The following TRPC5 variants were observed in gnomAD, a reference collection of about 807,000 sequenced individuals.
TRPC5 encodes the protein transient receptor potential cation channel subfamily C member 5.
In TRPC5, 9 loss-of-function variants were observed where a neutral mutation model predicts 56.5. That is an observed-to-expected ratio of 0.16 (90% CI 0.10 to 0.28). TRPC5 has a LOEUF of 0.28. Ranked by LOEUF, TRPC5 falls within the 10% of genes least tolerant of loss-of-function variation. The pLI is 1.00. For missense variants in TRPC5, 469 were observed against 748.9 expected, an observed-to-expected ratio of 0.63 and a Z score of 4.36; for synonymous variants, 282 against 278.5, an observed-to-expected ratio of 1.01 and a Z score of -0.13.
At chrX:111,923,419 C>A (rs921139203) in intron 2 of TRPC5, among the ~76,000 whole-genome samples, 8 of 111,791 alleles carry the variant, frequency 7.2e-5, no homozygotes, top group African/African-American at 2.3e-4. Context: ...AAAAAAAATT[C>A]ATGACTAATT....
rs1603118601 is a variant in TRPC5, at chrX:111,960,952, C to T, written c.-21-8511G>A. ...TCAACCTCCCGAGTAGTTGGGACTA[C>T]AGGCATGCACTACTATGCCCGGCTA... is the stretch of plus-strand genomic sequence containing the variant. On this transcript the variant is annotated intron_variant, in intron 1 of 10. Coordinates refer to ENST00000262839, the MANE Select transcript of TRPC5 (RefSeq NM_012471.3). Among the ~76,000 whole-genome samples the T allele has an allele frequency of 2.7e-5, 3 of 110,942 alleles. No homozygotes were observed. The South Asian group carries it at 1.2e-3, about 43-fold the overall frequency.
chrX:111,864,361 G>T (rs1012843615), intron 3 of TRPC5, among the ~76,000 whole-genome samples: 10 of 112,275 alleles, frequency 8.9e-5, no homozygotes, highest in African/African-American at 3.2e-4. Context: ...TGACCCAATT[G>T]TTATCTACTG....
chrX:111,805,809 A>G (rs1297453321), intron 7 of TRPC5, among the ~76,000 whole-genome samples: 1 of 110,626 alleles, frequency 9.0e-6, no homozygotes, highest in Non-Finnish European at 1.9e-5. Context: ...AGTAGCTGGG[A>G]CTACAGGCGC....
chrX:111,801,936 C>A (rs192825013), intron 7 of TRPC5, among the ~76,000 whole-genome samples: 1 of 111,911 alleles, frequency 8.9e-6, no homozygotes, highest in Admixed American at 9.5e-5. Context: ...CTTCCAGTGT[C>A]ATATCTGTGA....
chrX:111,927,344 A>G (rs1008043077), intron 2 of TRPC5, among the ~76,000 whole-genome samples: 4 of 112,224 alleles, frequency 3.6e-5, no homozygotes, highest in African/African-American at 1.3e-4. Context: ...TAGATCATAA[A>G]ACAGTCTTGG....
chrX:111,907,703 G>C (rs959930204), intron 3 of TRPC5, among the ~76,000 whole-genome samples: 5 of 110,737 alleles, frequency 4.5e-5, no homozygotes, highest in African/African-American at 6.6e-5. Context: ...TATTTGCATC[G>C]AAAGGAAAGA....
chrX:112,002,549 C>A (rs1209741802), intron 1 of TRPC5, among the ~76,000 whole-genome samples: 10 of 111,924 alleles, frequency 8.9e-5, no homozygotes, highest in Non-Finnish European at 1.9e-4. Context: ...ATTAAACATA[C>A]AAACAAACCA....
At chrX:112,073,584 G>A (rs1027805390) in intron 1 of TRPC5, among the ~76,000 whole-genome samples, 1 of 111,351 alleles carries the variant, frequency 9.0e-6, no homozygotes, top group Non-Finnish European at 1.9e-5. Context: ...GATAAAAATT[G>A]TTATATCTGT....
intron 7 of TRPC5, among the ~76,000 whole-genome samples, chrX:111,811,945 A>C (rs1487233396): frequency 1.8e-5 from 2 of 111,557 alleles, no homozygotes; most frequent in African/African-American, 6.5e-5. Flanking sequence ...CTTGAAATGA[A>C]GTAGATATTC....
intron 1 of TRPC5, among the ~76,000 whole-genome samples, chrX:111,997,945 T>C (rs1357204980): frequency 9.0e-6 from 1 of 111,407 alleles, no homozygotes; most frequent in Non-Finnish European, 1.9e-5. Context: ...ACATCCTCCT[T>C]TAGCTCAGAG....
At chrX:112,038,049 T>G (rs1373697931) in intron 1 of TRPC5, among the ~76,000 whole-genome samples, 1 of 111,341 alleles carries the variant, frequency 9.0e-6, no homozygotes, top group African/African-American at 3.3e-5. Flanking sequence ...GGCAAAACCA[T>G]GCACATGTAT....
intron 2 of TRPC5, among the ~76,000 whole-genome samples, chrX:111,919,331 C>A (rs933055097): frequency 2.7e-5 from 3 of 111,883 alleles, no homozygotes; most frequent in Admixed American, 9.4e-5. Flanking sequence ...AGCTGGCCAC[C>A]CCAGCCAGCA....
intron 1 of TRPC5, among the ~76,000 whole-genome samples, chrX:112,081,268 G>A (rs1930958574): frequency 8.9e-6 from 1 of 111,889 alleles, no homozygotes; most frequent in Non-Finnish European, 1.9e-5. Flanking sequence ...AGGGAGGGAG[G>A]GAGGTGTCCA....
At chrX:111,982,018 G>A (rs1433711981) in intron 1 of TRPC5, among the ~76,000 whole-genome samples, 1 of 110,974 alleles carries the variant, frequency 9.0e-6, no homozygotes, top group Non-Finnish European at 1.9e-5. Context: ...GTTTTAAAGT[G>A]TGGTACTTCC....
rs193091405 is a variant in TRPC5, at chrX:111,820,761, G to A, written c.1896+14160C>T. Among the ~76,000 whole-genome samples the A allele has an allele frequency of 3.4e-3, 377 of 111,333 alleles. 1 individual carries two copies. The highest frequency in any genetic ancestry group is 6.0e-3 in the Non-Finnish European group (317 of 53,061). ...CTCTCTCCTCATTTTAAAATATTCC[G>A]GGAAGTCTTATACATTAGCAATTAA... is the stretch of plus-strand genomic sequence containing the variant. On this transcript the variant is annotated intron_variant, in intron 7 of 10. Coordinates refer to ENST00000262839, the MANE Select transcript of TRPC5 (RefSeq NM_012471.3).
chrX:112,028,119 G>GT (rs776676163), intron 1 of TRPC5, among the ~76,000 whole-genome samples: 6 of 111,382 alleles, frequency 5.4e-5, no homozygotes, highest in Non-Finnish European at 1.1e-4. Context: ...GTCTTTTATT[G>GT]TTGGCCTGAA....
intron 1 of TRPC5, among the ~76,000 whole-genome samples, chrX:112,003,223 T>G (rs1928745654): frequency 8.9e-6 from 1 of 111,766 alleles, no homozygotes; most frequent in Non-Finnish European, 1.9e-5. Context: ...TCAAAAAACA[T>G]TACAGAGTAC....
intron 2 of TRPC5, among the ~76,000 whole-genome samples, chrX:111,935,171 G>A (rs1452067630): frequency 8.9e-6 from 1 of 112,031 alleles, no homozygotes; most frequent in African/African-American, 3.2e-5. Flanking sequence ...TAACTAAGAT[G>A]AGATGATAAC....
At chrX:111,947,360 A>G (rs1926957121) in intron 2 of TRPC5, among the ~76,000 whole-genome samples, 1 of 111,314 alleles carries the variant, frequency 9.0e-6, no homozygotes, top group South Asian at 3.8e-4. Context: ...ATTTTGAGAC[A>G]GAGTGTCTCT....
Sources: gnomAD v4.1 joint callset for allele counts (sites outside exome capture counted in the v4.1 genomes callset) on GRCh38, gnomAD v4.1.1 for gene constraint, MANE v1.5 for transcripts, NCBI Gene and HGNC (gene_info 2026-07-23, HGNC 2026-07-21) for gene names.